Variants in GFPT1 observed in about 807,000 individuals in gnomAD.
GFPT1 encodes glutamine--fructose-6-phosphate transaminase 1.
Under a neutral mutation model 92.0 loss-of-function variants are expected in GFPT1, and 40 were observed. That is an observed-to-expected ratio of 0.43 (90% confidence interval 0.34 to 0.57). GFPT1 has a LOEUF of 0.57. Ranked by LOEUF, GFPT1 falls within the 20% of genes least tolerant of loss-of-function variation. GFPT1 has a pLI of 0.02. For synonymous variants in GFPT1, 269 were observed against 280.6 expected (o/e 0.96, Z 0.41); for missense variants, 448 against 869.1 (o/e 0.52, Z 6.09).
In GFPT1 at chr2:69,354,410, G is replaced by T; in HGVS notation, c.685+79C>A. On this transcript the variant is annotated intron_variant, in intron 8 of 19. Coordinates refer to ENST00000357308, the MANE Select transcript of GFPT1 (RefSeq NM_001244710.2). ...CAGAACTATATATACATGTGCATCT[G>T]ACCAAAGAGCCATCTATTCCAACTT... 3 of 1,275,056 alleles carry T rather than the reference G, an allele frequency of 2.4e-6. No homozygotes were observed. In the South Asian group the frequency reaches 3.6e-5, roughly 15 times the overall value. 79.0% of individuals were successfully genotyped at this position (1,275,056 alleles called of 1,614,324 possible).
intron 3 of GFPT1, among the ~76,000 whole-genome samples, chr2:69,369,246 GAA>G (rs1003017470): frequency 6.8e-6 from 1 of 147,286 alleles, no homozygotes; most frequent in Admixed American, 6.8e-5. Flanking sequence ...GCTTATGTGG[GAA>G]AAAAAAAAGA....
intron 13 of GFPT1, among the ~76,000 whole-genome samples, chr2:69,341,803 G>C (rs1670959454): frequency 6.6e-6 from 1 of 152,074 alleles, no homozygotes; most frequent in Admixed American, 6.6e-5. Context: ...ATCTGTCTAG[G>C]GCAAGTGAAC....
intron 14 of GFPT1, 146 bp from the exon 15 acceptor site, chr2:69,338,201 C>T (rs1670848721): frequency 2.4e-6 from 2 of 839,394 alleles, no homozygotes; most frequent in East Asian, 5.3e-5. Flanking sequence ...ATTTATAAAA[C>T]TTTAAGTAAT....
chr2:69,376,983 T>G (rs1015515329), intron 1 of GFPT1, among the ~76,000 whole-genome samples: 17 of 151,234 alleles, frequency 1.1e-4, no homozygotes, highest in African/African-American at 3.9e-4. Flanking sequence ...CCAAGGCGAG[T>G]GGATCACATG....
At chr2:69,334,705 C>T (rs1670750608) in intron 15 of GFPT1, 1 of 152,138 alleles carries the variant, frequency 6.6e-6, no homozygotes, top group Non-Finnish European at 1.5e-5. Context: ...AAAAAACAAA[C>T]TTCAGGCTAA....
intron 2 of GFPT1, among the ~76,000 whole-genome samples, chr2:69,370,992 T>C (rs1315981100): frequency 6.6e-6 from 1 of 151,566 alleles, no homozygotes; most frequent in Non-Finnish European, 1.5e-5. Flanking sequence ...AGAGTGAGAT[T>C]CATCTCAAAA....
At chr2:69,368,643 C>T (rs1341638548) in intron 3 of GFPT1, among the ~76,000 whole-genome samples, 1 of 151,776 alleles carries the variant, frequency 6.6e-6, no homozygotes, top group Non-Finnish European at 1.5e-5. Flanking sequence ...ACAGGAGAAT[C>T]GCTTGAATCT....
chr2:69,358,990 A>C (rs1410196852), intron 5 of GFPT1, among the ~76,000 whole-genome samples: 1 of 152,252 alleles, frequency 6.6e-6, no homozygotes, highest in Non-Finnish European at 1.5e-5. Context: ...ACAATCTCTC[A>C]GAATGCAAAA....
At chr2:69,369,838 C>A (rs1187703246) in intron 3 of GFPT1, among the ~76,000 whole-genome samples, 163 bp downstream of exon 3, 1 of 152,064 alleles carries the variant, frequency 6.6e-6, no homozygotes, top group Admixed American at 6.6e-5. Context: ...AAAACTAGTC[C>A]AGACAGTAAC....
chr2:69,348,023 A>G, intron 11 of GFPT1, 148 bp downstream of exon 11: 1 of 701,550 alleles, frequency 1.4e-6, no homozygotes, highest in Non-Finnish European at 2.6e-6. Context: ...TCTCTAAAGA[A>G]TCATCCCTTT....
chr2:69,374,058 C>T lies in GFPT1; in HGVS notation c.63G>A (p.Glu21=). ...GTCTCTGAAGGCCTTTGATTAGGGT[C>T]TCCAGGATTTCTCGTCTCGTTCGAG... is the stretch of plus-strand genomic sequence containing the variant. ...HVPRTRREIL[E]TLIKGLQRLE... The change falls in exon 2 of 20, where the codon GAG becomes GAA. Residue 21 remains glutamate (E), a synonymous_variant. Transcript: ENST00000357308. 6.2e-7 allele frequency: 1 copy of T among 1,602,250 alleles called. No individual in the cohort carries two copies. The highest frequency in any genetic ancestry group is 8.5e-7 in the Non-Finnish European group (1 of 1,170,098).
chr2:69,358,960 C>T (rs1175616484), intron 5 of GFPT1, among the ~76,000 whole-genome samples: 5 of 152,150 alleles, frequency 3.3e-5, no homozygotes, highest in African/African-American at 1.2e-4. Flanking sequence ...ATTAATATAT[C>T]CTAGGAACTT....
At position 69,342,159 on chromosome 2, in the gene GFPT1, C is replaced by G; in HGVS notation, c.1196G>C (p.Gly399Ala). 1 of 1,590,656 alleles carries G rather than the reference C, an allele frequency of 6.3e-7. No individual in the cohort carries two copies. ...ATTTTAAAAAGCACTTACTGCTACACCAGCATGGTAACTTGTTCCACAAGC... is the reference window on the plus strand; with the variant it reads ...ATTTTAAAAAGCACTTACTGCTACAGCAGCATGGTAACTTGTTCCACAAGC... ...LIACGTSYHA[G>A]VATRQVLEEL... Residue 399 changes from glycine to alanine, a missense_variant, in exon 13 of 20, where the codon GGT becomes GCT. Physicochemically the swap from Gly to Ala is moderately conservative, Grantham distance 60. Coordinates refer to ENST00000357308, the MANE Select transcript of GFPT1 (RefSeq NM_001244710.2).
chr2:69,372,828 C>T (rs1164529613), intron 2 of GFPT1, among the ~76,000 whole-genome samples: 2 of 152,144 alleles, frequency 1.3e-5, no homozygotes, highest in African/African-American at 2.4e-5. Flanking sequence ...GTTAACACAG[C>T]AGGTGTGAAA....
Position 69,320,694 on chromosome 2 carries a change from A to C in GFPT1, c.*5495T>G, listed in dbSNP as rs1670382792. Reference sequence around the variant, plus strand: ...TCCCAGCTAATCCAGAGGCTGAGGCAAAAGACTCGTGTGAACACGGGAGGT... The same window carrying C: ...TCCCAGCTAATCCAGAGGCTGAGGCCAAAGACTCGTGTGAACACGGGAGGT... On this transcript the variant is annotated 3_prime_UTR_variant, in exon 20 of 20. Transcript: ENST00000357308. The C allele has an allele frequency of 1.3e-5, 2 of 152,278 alleles. No individual in the cohort carries two copies. The highest frequency in any genetic ancestry group is 4.8e-5 in the African/African-American group (2 of 41,456). 9.4% of individuals were successfully genotyped at this position (152,278 alleles called of 1,614,324 possible).
At chr2:69,343,716 C>T (rs1273538945) in intron 12 of GFPT1, among the ~76,000 whole-genome samples, 1 of 152,096 alleles carries the variant, frequency 6.6e-6, no homozygotes, top group Non-Finnish European at 1.5e-5. Flanking sequence ...CCAGCCAGTC[C>T]ACCTTCTTTT....
intron 11 of GFPT1, among the ~76,000 whole-genome samples, chr2:69,346,656 T>C (rs927748748): frequency 1.1e-4 from 16 of 152,180 alleles, no homozygotes; most frequent in African/African-American, 3.9e-4. Context: ...CTTCACAGTA[T>C]GGATTGTAGT....
Position 69,339,848 on chromosome 2 carries a change from T to C in GFPT1, c.1204-1283A>G, listed in dbSNP as rs148604685. Among the ~76,000 whole-genome samples the C allele has an allele frequency of 5.9e-3, 900 of 152,248 alleles. 9 individuals are homozygous for C. The highest frequency in any genetic ancestry group is 0.021 in the African/African-American group (862 of 41,552). Reference sequence around the variant, plus strand: ...AAGAAAATCATTGAAGATAAAATGCTCCTATTTTTTATTATTCTTTTCCAT... The same window carrying C: ...AAGAAAATCATTGAAGATAAAATGCCCCTATTTTTTATTATTCTTTTCCAT... On this transcript the variant is annotated intron_variant, in intron 13 of 19. Coordinates refer to ENST00000357308, the MANE Select transcript of GFPT1 (RefSeq NM_001244710.2).
chr2:69,337,060 A>T (rs1398170606), intron 15 of GFPT1, among the ~76,000 whole-genome samples: 5 of 118,508 alleles, frequency 4.2e-5, no homozygotes, highest in Admixed American at 8.8e-5. Context: ...CAAATTTTAA[A>T]TTTTTTTTTT....
Sources: allele counts gnomAD v4.1 joint callset (sites outside exome capture counted in the v4.1 genomes callset), GRCh38; gene constraint gnomAD v4.1.1; transcripts MANE v1.5; gene names NCBI Gene and HGNC (gene_info 2026-07-23, HGNC 2026-07-21).